The following PCARE variants were observed in gnomAD, a reference collection of about 807,000 sequenced individuals.
PCARE encodes the protein uncharacterized protein C2orf71.
A neutral mutation model predicts 82.2 loss-of-function variants in PCARE; 72 were observed. That is an observed-to-expected ratio of 0.88 (90% CI 0.72 to 1.07). PCARE has a LOEUF of 1.07. Among genes scored for constraint, PCARE ranks in the 50% least tolerant of loss-of-function variants. The pLI, the probability that PCARE is intolerant of heterozygous loss-of-function variation, is 0.00. For synonymous variants in PCARE, 705 were observed against 634.8 expected, an observed-to-expected ratio of 1.11 and a Z score of -1.66; for missense variants, 1,768 against 1,592.4, an observed-to-expected ratio of 1.11 and a Z score of -1.88.
In PCARE at chr2:29,073,232, G is replaced by A. The variant is rs1246334485; in HGVS notation, c.1030C>T (p.Pro344Ser). Residue 344 changes from proline to serine, a missense_variant, in exon 1 of 2, where the codon CCC becomes TCC. Coordinates refer to ENST00000331664, the MANE Select transcript of PCARE (RefSeq NM_001029883.3). ...ATGCCACTGTCCTCAGAGCATAAGGGGAGACCCTGCACCCCAGGGTCGCCA... is the reference window on the plus strand; with the variant it reads ...ATGCCACTGTCCTCAGAGCATAAGGAGAGACCCTGCACCCCAGGGTCGCCA... ...GCGDPGVQGL[P>S]LCSEDSGIGA... is the part of the protein sequence containing the mutation. The A allele has an allele frequency of 1.2e-6, 2 of 1,613,912 alleles. No individual in the cohort carries two copies. Among genetic ancestry groups the A allele is most frequent in the African/African-American group, 2.7e-5 (2 of 74,916 alleles).
rs201402232 is a variant in PCARE at position 29,071,225 on chromosome 2, G to A, written c.3037C>T (p.Pro1013Ser). The part of the protein sequence containing the change: ...PQADKRRRSL[P>S]SSYRPAQPSP... ...GGCTGGGCAGGTCTGTAAGAGGAGG[G>A]AAGGCTCCGGCGCCTCTTGTCTGCT... Residue 1013 changes from proline to serine, a missense_variant, in exon 1 of 2, where the codon CCC becomes TCC. Transcript: ENST00000331664. The A allele has an allele frequency of 1.2e-6, 2 of 1,610,038 alleles. No individual in the cohort carries two copies. Among genetic ancestry groups the A allele is most frequent in the Admixed American group, 1.7e-5 (1 of 59,768 alleles).
Position 29,064,956 on chromosome 2 carries a change from G to A in PCARE, c.3780C>T (p.Gly1260=), listed in dbSNP as rs572507416. 5.3e-5 allele frequency: 85 copies of A among 1,605,454 alleles called. 1 individual carries two copies. The East Asian group carries it at 9.7e-4, about 18-fold the overall frequency. ...TCCGAGGCTCCGGTTGCAGCCCGTGGCCCAGCACACAGAACTCTGGGGGAG... is the reference window on the plus strand; with the variant it reads ...TCCGAGGCTCCGGTTGCAGCCCGTGACCCAGCACACAGAACTCTGGGGGAG... The part of the protein sequence containing the change: ...RASPPEFCVL[G]HGLQPEPRTG... The change falls in exon 2 of 2, where the codon GGC becomes GGT. Residue 1260 remains glycine (G), a synonymous_variant. Coordinates refer to ENST00000331664, the MANE Select transcript of PCARE (RefSeq NM_001029883.3).
chr2:29,064,725 A>T lies in PCARE; in HGVS notation c.*144T>A. On this transcript the variant is annotated 3_prime_UTR_variant, in exon 2 of 2. Transcript: ENST00000331664. The stretch of plus-strand genomic sequence containing the variant: ...CGATTGTTTAAAATTCAGCAGACCC[A>T]CTGGGCAGTGCACCTTCCAGGCCTT... 1 of 1,042,568 alleles carries T rather than the reference A, an allele frequency of 9.6e-7. No homozygotes were observed. The highest frequency in any genetic ancestry group is 1.4e-5 in the South Asian group (1 of 70,174). 64.6% of individuals were successfully genotyped at this position (1,042,568 alleles called of 1,614,324 possible).
At chr2:29,069,669 C>T (rs1572824883) in intron 1 of PCARE, among the ~76,000 whole-genome samples, 2 of 151,950 alleles carry the variant, frequency 1.3e-5, no homozygotes, top group African/African-American at 2.4e-5. Flanking sequence ...TGCACATGTA[C>T]CCATGAACCT....
rs368102070 is a variant in PCARE, at chr2:29,066,830, G to T, written c.3669-1763C>A. On this transcript the variant is annotated intron_variant, in intron 1 of 1. Transcript: ENST00000331664. ...GAGCGTGCATGCCTGGGCAGTCCAG[G>T]CCAGGTGAAGACTGAAAACACCACA... Among the ~76,000 whole-genome samples, 77 of 152,346 alleles carry T rather than the reference G, an allele frequency of 5.1e-4. No individual in the cohort carries two copies. The South Asian group carries it at 0.015, about 30-fold the overall frequency.
At chr2:29,070,163 CATAG>C (rs1451471660) in intron 1 of PCARE, among the ~76,000 whole-genome samples, 1 of 152,088 alleles carries the variant, frequency 6.6e-6, no homozygotes, top group Non-Finnish European at 1.5e-5. Flanking sequence ...AGGTTTGTTA[CATAG>C]ATATATTTGT....
rs1667549418 is a variant in PCARE at position 29,074,255 on chromosome 2, A to G, written c.7T>C (p.Cys3Arg). MG[C>R]TPSHSDLVNS... Reference sequence around the variant, plus strand: ...ACAAGGTCACTGTGTGAAGGTGTACACCCCATGATTTCAGCTTGTAGTCAT... The same window carrying G: ...ACAAGGTCACTGTGTGAAGGTGTACGCCCCATGATTTCAGCTTGTAGTCAT... The change falls in exon 1 of 2, where the codon TGT becomes CGT. Residue 3 changes from cysteine (C) to arginine (R), a missense_variant. Physicochemically the swap from Cys to Arg is radical, Grantham distance 180 (BLOSUM62 -3). Coordinates refer to ENST00000331664, the MANE Select transcript of PCARE (RefSeq NM_001029883.3). 3 of 1,529,380 alleles carry G rather than the reference A, an allele frequency of 2.0e-6. No individual in the cohort carries two copies. Among genetic ancestry groups the G allele is most frequent in the South Asian group, 1.3e-5 (1 of 75,792 alleles). The allele number at this position is 1,529,380 out of a possible 1,614,324, so 94.7% of individuals were successfully genotyped here. A position where few individuals can be genotyped will look rare whatever the true frequency, so the allele number is the denominator to read the frequency against.
At position 29,073,367 on chromosome 2, in the gene PCARE, A is replaced by C. The variant is rs760926937; in HGVS notation, c.895T>G (p.Tyr299Asp). The change falls in exon 1 of 2, where the codon TAC becomes GAC. Residue 299 changes from tyrosine to aspartate, a missense_variant. Transcript: ENST00000331664. ...TGSFLEGSSSYLHSTATHLEN... is the reference protein window; with the variant it reads ...TGSFLEGSSSDLHSTATHLEN... ...AAGTGGGTTGCAGTGGAGTGGAGGT[A>C]GCTGCTGGAGCCCTCCAGGAAGCTG... The C allele has an allele frequency of 7.4e-6, 12 of 1,613,726 alleles. No homozygotes were observed. The Middle Eastern group carries it at 8.2e-4, about 111-fold the overall frequency.
chr2:29,064,966 C>T lies in PCARE; in HGVS notation c.3770G>A (p.Cys1257Tyr). The T allele has an allele frequency of 6.2e-7, 1 of 1,601,138 alleles. No homozygotes were observed. The highest frequency in any genetic ancestry group is 1.1e-5 in the South Asian group (1 of 88,844). Residue 1257 changes from cysteine (C) to tyrosine (Y), a missense_variant, in exon 2 of 2, where the codon TGT becomes TAT. Transcript: ENST00000331664. The stretch of plus-strand genomic sequence containing the variant: ...CGGTTGCAGCCCGTGGCCCAGCACA[C>T]AGAACTCTGGGGGAGATGCACGCCT... ...GTRRASPPEF[C>Y]VLGHGLQPEP...
rs181545106 is a variant in PCARE, at chr2:29,071,916, T to G, written c.2346A>C (p.Gln782His). 6.2e-7 allele frequency: 1 copy of G among 1,614,170 alleles called. No homozygotes were observed. The highest frequency in any genetic ancestry group is 2.2e-5 in the East Asian group (1 of 44,880). ...TGLAPLYPKPQISPASGRESL... is the reference protein window; with the variant it reads ...TGLAPLYPKPHISPASGRESL... ...ATTCTCTGCCTGATGCTGGAGAAAT[T>G]TGGGGCTTCGGATACAAAGGGGCAA... Residue 782 changes from glutamine (Q) to histidine (H), a missense_variant, in exon 1 of 2, where the codon CAA becomes CAC. Physicochemically the swap from Gln to His is conservative, Grantham distance 24. Coordinates refer to ENST00000331664, the MANE Select transcript of PCARE (RefSeq NM_001029883.3).
rs1334968837 is a variant in PCARE at position 29,070,810 on chromosome 2, T to C, written c.3452A>G (p.Glu1151Gly). 1 of 1,613,960 alleles carries C rather than the reference T, an allele frequency of 6.2e-7. No individual in the cohort carries two copies. Among genetic ancestry groups the C allele is most frequent in the Non-Finnish European group, 8.5e-7 (1 of 1,180,028 alleles). Residue 1151 changes from glutamate to glycine, a missense_variant, in exon 1 of 2, where the codon GAG (glutamate) becomes GGG (glycine). Physicochemically the swap from Glu to Gly is moderately conservative, Grantham distance 98. Transcript: ENST00000331664. Reference protein sequence around the residue: ...HPLTPPSLPPEAGGPLGNPAE... With the variant: ...HPLTPPSLPPGAGGPLGNPAE... ...TGGGTTCCCGAGAGGGCCCCCAGCCTCTGGCGGCAGCGATGGTGGGGTCAG... is the reference window on the plus strand; with the variant it reads ...TGGGTTCCCGAGAGGGCCCCCAGCCCCTGGCGGCAGCGATGGTGGGGTCAG...
In PCARE at chr2:29,070,617, A is replaced by G. The variant is rs767231105; in HGVS notation, c.3645T>C (p.Tyr1215=). Residue 1215 remains tyrosine, a synonymous_variant, in exon 1 of 2, where the codon TAT becomes TAC. Transcript: ENST00000331664. ...PPTLDPTSTS[Y]ESQLGQNSSS... Reference sequence around the variant, plus strand: ...ACCTGTTCTGGCCGAGCTGGGATTCATAAGAGGTGCTGGTGGGGTCCAAGG... The same window carrying G: ...ACCTGTTCTGGCCGAGCTGGGATTCGTAAGAGGTGCTGGTGGGGTCCAAGG... The G allele has an allele frequency of 3.7e-6, 6 of 1,613,930 alleles. No individual in the cohort carries two copies. The highest frequency in any genetic ancestry group is 5.1e-6 in the Non-Finnish European group (6 of 1,179,902).
intron 1 of PCARE, among the ~76,000 whole-genome samples, chr2:29,067,832 A>G (rs1021450076): frequency 2.0e-5 from 3 of 152,154 alleles, no homozygotes; most frequent in Non-Finnish European, 1.5e-5. Context: ...GGCGTGAGCC[A>G]CTGCACCTGA....
Position 29,073,712 on chromosome 2 carries a change from G to A in PCARE, c.550C>T (p.His184Tyr), listed in dbSNP as rs1341651829. 3.7e-6 allele frequency: 6 copies of A among 1,613,238 alleles called. No individual in the cohort carries two copies. The African/African-American group carries it at 8.0e-5, about 22-fold the overall frequency. ...TGTAGATAGGTGTAAGCCTGCTGGT[G>A]GGCCTTTACCAGAGGCTCCGGGAAG... ...VDFPEPLVKA[H>Y]QQAYTYLHSS... The change falls in exon 1 of 2, where the codon CAC (histidine) becomes TAC (tyrosine). Residue 184 changes from histidine (H) to tyrosine (Y), a missense_variant. His to Tyr is a moderately conservative substitution (Grantham distance 83). Transcript: ENST00000331664.
Position 29,071,597 on chromosome 2 carries a change from G to A in PCARE, c.2665C>T (p.Leu889=). 5 of 1,612,318 alleles carry A rather than the reference G, an allele frequency of 3.1e-6. No individual in the cohort carries two copies. The highest frequency in any genetic ancestry group is 4.2e-6 in the Non-Finnish European group (5 of 1,179,952). Residue 889 remains leucine, a synonymous_variant, in exon 1 of 2, where the codon CTG becomes TTG. Coordinates refer to ENST00000331664, the MANE Select transcript of PCARE (RefSeq NM_001029883.3). The stretch of plus-strand genomic sequence containing the variant: ...GTGCTCTTGCTGGGCAGCAAGTCCA[G>A]GGGGCTCACAGAGGCCCTCAGCTTT... ...SPKLRASVSP[L]DLLPSKSTAS... is the part of the protein sequence containing the mutation.
intron 1 of PCARE, among the ~76,000 whole-genome samples, chr2:29,066,763 G>A (rs1351193950): frequency 6.6e-6 from 1 of 152,228 alleles, no homozygotes; most frequent in Admixed American, 6.5e-5. Context: ...AGGGCCCAGG[G>A]CCCACTGGGT....
At chr2:29,068,815 T>C (rs1412332056) in intron 1 of PCARE, among the ~76,000 whole-genome samples, 1 of 152,124 alleles carries the variant, frequency 6.6e-6, no homozygotes, top group Non-Finnish European at 1.5e-5. Flanking sequence ...TCATGAAGAC[T>C]CTTGTTCTCA....
In PCARE at chr2:29,073,251, G is replaced by T; in HGVS notation, c.1011C>A (p.Asp337Glu). The change falls in exon 1 of 2, where the codon GAC (aspartate) becomes GAA (glutamate). Residue 337 changes from aspartate to glutamate, a missense_variant. Transcript: ENST00000331664. ...ATAAGGGGAGACCCTGCACCCCAGG[G>T]TCGCCACAGCCACTCGCCAGGCTCT... Reference protein sequence around the residue: ...QLESLASGCGDPGVQGLPLCS... With the variant: ...QLESLASGCGEPGVQGLPLCS... 2 of 1,613,970 alleles carry T rather than the reference G, an allele frequency of 1.2e-6. No individual in the cohort carries two copies. The highest frequency in any genetic ancestry group is 1.7e-6 in the Non-Finnish European group (2 of 1,179,916).
rs940559769 is a variant in PCARE at position 29,063,663 on chromosome 2, G to C, written c.*1206C>G. 1.3e-5 allele frequency: 2 copies of C among 152,668 alleles called. No individual in the cohort carries two copies. The highest frequency in any genetic ancestry group is 1.3e-4 in the Admixed American group (2 of 15,282). The allele number at this position is 152,668 out of a possible 1,614,324, so 9.5% of individuals were successfully genotyped here. On this transcript the variant is annotated 3_prime_UTR_variant, in exon 2 of 2. Coordinates refer to ENST00000331664, the MANE Select transcript of PCARE (RefSeq NM_001029883.3). ...AATTCTTGTCTTTTGCCAACCCATT[G>C]AGCCGGCATTGAATCACTCAATTAC...
Sources: allele counts gnomAD v4.1 joint callset (sites outside exome capture counted in the v4.1 genomes callset), GRCh38; gene constraint gnomAD v4.1.1; transcripts MANE v1.5; gene names NCBI Gene and HGNC (gene_info 2026-07-23, HGNC 2026-07-21).